The following GCLC variants were observed in gnomAD, a reference collection of about 807,000 sequenced individuals.
The protein encoded by GCLC is glutamate-cysteine ligase catalytic subunit, also known as glutamate--cysteine ligase catalytic subunit.
A neutral mutation model predicts 81.5 loss-of-function variants in GCLC; 30 were observed. The ratio of observed to expected loss-of-function variants is 0.37; its 90% CI spans 0.28 to 0.50. The LOEUF (loss-of-function observed/expected upper bound fraction) is 0.50. Ranked by LOEUF, GCLC falls within the 20% of genes least tolerant of loss-of-function variation. GCLC has a pLI of 0.96. For synonymous variants in GCLC, 262 were observed against 273.3 expected, an observed-to-expected ratio of 0.96 and a Z score of 0.41; for missense variants, 556 against 777.4, an observed-to-expected ratio of 0.72 and a Z score of 3.39.
intron 3 of GCLC, among the ~76,000 whole-genome samples, chr6:53,517,602 A>T (rs1480170536): frequency 6.6e-6 from 1 of 152,140 alleles, no homozygotes; most frequent in Non-Finnish European, 1.5e-5. Flanking sequence ...TGGGAGAGTA[A>T]TAAACTTAAA....
chr6:53,544,244 C>G (rs140316843), intron 1 of GCLC, among the ~76,000 whole-genome samples: 23 of 152,344 alleles, frequency 1.5e-4, no homozygotes, highest in African/African-American at 5.5e-4. Context: ...AGCGCCCAAT[C>G]CGTGTTTATG....
intron 15 of GCLC, among the ~76,000 whole-genome samples, chr6:53,499,328 G>A (rs1201832108): frequency 6.6e-6 from 1 of 152,170 alleles, no homozygotes; most frequent in African/African-American, 2.4e-5. Flanking sequence ...CCAGTGTCAT[G>A]AGACTGCCTC....
At chr6:53,541,680 T>A (rs1383872970) in intron 1 of GCLC, among the ~76,000 whole-genome samples, 1 of 152,006 alleles carries the variant, frequency 6.6e-6, no homozygotes, top group Non-Finnish European at 1.5e-5. Flanking sequence ...AAAGGATAGA[T>A]CATAAAACAG....
intron 1 of GCLC, among the ~76,000 whole-genome samples, chr6:53,541,084 G>C (rs1763345804): frequency 6.6e-6 from 1 of 152,206 alleles, no homozygotes; most frequent in South Asian, 2.1e-4. Context: ...GCATGGTGTT[G>C]GGTGCCTTAT....
At chr6:53,508,968 T>C (rs887035357) in intron 7 of GCLC, among the ~76,000 whole-genome samples, 11 of 152,152 alleles carry the variant, frequency 7.2e-5, no homozygotes, top group Admixed American at 6.5e-4. Flanking sequence ...AAACTTCACA[T>C]TTAACAAATC....
chr6:53,508,248 G>A (rs1764655664), intron 8 of GCLC, among the ~76,000 whole-genome samples: 1 of 152,118 alleles, frequency 6.6e-6, no homozygotes, highest in South Asian at 2.1e-4. Context: ...ACCCTTATTA[G>A]TCAATGCCTA....
Position 53,544,492 on chromosome 6 carries a change from T to C in GCLC, c.150+4A>G. 1 of 1,606,672 alleles carries C rather than the reference T, an allele frequency of 6.2e-7. No homozygotes were observed. Among genetic ancestry groups the C allele is most frequent in the Non-Finnish European group, 8.5e-7 (1 of 1,179,476 alleles). On this transcript the variant is annotated splice_donor_region_variant and intron_variant, in intron 1 of 15. Coordinates refer to ENST00000650454, the MANE Select transcript of GCLC (RefSeq NM_001498.4). ...CGGCGGGGACGGGGACCGCGGGCGCTCACCTCATCGCCCCACTTGAGAACG... is the reference window on the plus strand; with the variant it reads ...CGGCGGGGACGGGGACCGCGGGCGCCCACCTCATCGCCCCACTTGAGAACG...
Position 53,514,517 on chromosome 6 carries a change from G to T in GCLC, c.561-20C>A. 1 of 1,591,026 alleles carries T rather than the reference G, an allele frequency of 6.3e-7. No individual in the cohort carries two copies. Among genetic ancestry groups the T allele is most frequent in the Non-Finnish European group, 8.6e-7 (1 of 1,159,068 alleles). ...AAGGTACTAAAACAGACAACCAAAC[G>T]TCATAAATTGGTCACCTAAGAGTCA... On this transcript the variant is annotated intron_variant, in intron 4 of 15. Coordinates refer to ENST00000650454, the MANE Select transcript of GCLC (RefSeq NM_001498.4).
chr6:53,539,493 C>A (rs971237101), intron 1 of GCLC, among the ~76,000 whole-genome samples: 1 of 152,170 alleles, frequency 6.6e-6, no homozygotes, highest in African/African-American at 2.4e-5. Context: ...AACCCCAAAT[C>A]CAAGGTTCTT....
At chr6:53,509,529 A>G (rs1241124820) in intron 6 of GCLC, 1 of 531,160 alleles carries the variant, frequency 1.9e-6, no homozygotes, top group Non-Finnish European at 3.4e-6. Context: ...AATAAGACAC[A>G]GACATACGAT....
intron 2 of GCLC, among the ~76,000 whole-genome samples, chr6:53,521,406 C>T (rs192677806): frequency 1.2e-4 from 19 of 152,146 alleles, no homozygotes; most frequent in Middle Eastern, 6.8e-3. Context: ...CTGCCTGCCT[C>T]GGCCTCCCAA....
At chr6:53,505,535 A>T (rs1446694318) in intron 11 of GCLC, 39 bp from the exon 12 acceptor site, 2 of 1,036,780 alleles carry the variant, frequency 1.9e-6, no homozygotes, top group East Asian at 4.8e-5. Flanking sequence ...TGAACCAACT[A>T]CACAAACATG....
Position 53,509,476 on chromosome 6 carries a change from C to T in GCLC, c.754-226G>A. The T allele has an allele frequency of 1.9e-5, 11 of 591,802 alleles. No individual in the cohort carries two copies. The South Asian group carries it at 2.0e-4, about 11-fold the overall frequency. The allele number at this position is 591,802 out of a possible 1,614,324, so 36.7% of individuals were successfully genotyped here. Reference sequence around the variant, plus strand: ...GCCTATAGACAACTAATATAAATAACCAAGGTCCTAAGTGAAATAAGATTA... The same window carrying T: ...GCCTATAGACAACTAATATAAATAATCAAGGTCCTAAGTGAAATAAGATTA... On this transcript the variant is annotated intron_variant, in intron 6 of 15. Coordinates refer to ENST00000650454, the MANE Select transcript of GCLC (RefSeq NM_001498.4).
In GCLC at chr6:53,502,489, C is replaced by T. The variant is rs567242623; in HGVS notation, c.1396-1976G>A. 3.3e-5 allele frequency among the ~76,000 whole-genome samples: 5 copies of T among 152,334 alleles called. No individual in the cohort carries two copies. The South Asian group carries it at 1.0e-3, about 32-fold the overall frequency. On this transcript the variant is annotated intron_variant, in intron 12 of 15. Transcript: ENST00000650454. ...TCAAAGCCATGTATTACCCATCACA[C>T]TAAACTCTTTTCATGTTACATTTCA... is the stretch of plus-strand genomic sequence containing the variant.
intron 1 of GCLC, among the ~76,000 whole-genome samples, chr6:53,540,575 A>G (rs1284020565): frequency 6.6e-6 from 1 of 152,102 alleles, no homozygotes; most frequent in Non-Finnish European, 1.5e-5. Context: ...CTAGTTCTAG[A>G]GATCTGTAAA....
chr6:53,542,286 T>C (rs1192633866), intron 1 of GCLC, among the ~76,000 whole-genome samples: 2 of 152,162 alleles, frequency 1.3e-5, no homozygotes, highest in East Asian at 3.8e-4. Context: ...TAATACAAGT[T>C]TGCATTATGG....
chr6:53,499,902 G>C, intron 15 of GCLC, 143 bp downstream of exon 15: 1 of 682,834 alleles, frequency 1.5e-6, no homozygotes, highest in East Asian at 2.7e-5. Context: ...AAGATTATAA[G>C]GTGAATACAA....
In GCLC at chr6:53,513,643, G is replaced by A. The variant is rs17878836; in HGVS notation, c.753+561C>T. The A allele has an allele frequency of 2.8e-3, 438 of 156,844 alleles. 4 individuals are homozygous for A. Among genetic ancestry groups the A allele is most frequent in the African/African-American group, 0.01 (422 of 41,572 alleles). The allele number at this position is 156,844 out of a possible 1,614,324, so 9.7% of individuals were successfully genotyped here. A position where few individuals can be genotyped will look rare whatever the true frequency, so the allele number is the denominator to read the frequency against. On this transcript the variant is annotated intron_variant, in intron 6 of 15. Coordinates refer to ENST00000650454, the MANE Select transcript of GCLC (RefSeq NM_001498.4). The stretch of plus-strand genomic sequence containing the variant: ...GTGAGCTTGGACACACTCACTGCCA[G>A]GGGCACCATCATTTAAACAGATCCA...
intron 6 of GCLC, among the ~76,000 whole-genome samples, chr6:53,510,891 AAAGAAT>A (rs1387307599): frequency 3.9e-5 from 6 of 152,208 alleles, no homozygotes; most frequent in Admixed American, 3.3e-4. Flanking sequence ...CATAGGCATC[AAAGAAT>A]AAGAGTTTCA....
Sources: gnomAD v4.1 joint callset for allele counts (sites outside exome capture counted in the v4.1 genomes callset) on GRCh38, gnomAD v4.1.1 for gene constraint, MANE v1.5 for transcripts, NCBI Gene and HGNC (gene_info 2026-07-23, HGNC 2026-07-21) for gene names.